The following SOHLH1 variants were observed in gnomAD, a reference collection of about 807,000 sequenced individuals.
The protein encoded by SOHLH1 is spermatogenesis- and oogenesis-specific basic helix-loop-helix-containing protein 1.
Under a neutral mutation model 36.2 loss-of-function variants are expected in SOHLH1, and 23 were observed. The ratio of observed to expected loss-of-function variants is 0.64; its 90% confidence interval spans 0.46 to 0.90. SOHLH1 has a LOEUF of 0.90. Among genes scored for constraint, SOHLH1 ranks in the 40% least tolerant of loss-of-function variants. The pLI is 0.00. For missense variants in SOHLH1, 608 were observed against 517.0 expected (o/e 1.18, Z -1.71); for synonymous variants, 289 against 228.3 (o/e 1.27, Z -2.40).
rs1478059741 is a variant in SOHLH1 at position 135,699,389 on chromosome 9, G to C, written c.65+14C>G. Reference sequence around the variant, plus strand: ...TGGGCCCCCAACCCCTTGGCCGCCAGCCCAATTCCTCACTTGCATCCCCTG... The same window carrying C: ...TGGGCCCCCAACCCCTTGGCCGCCACCCCAATTCCTCACTTGCATCCCCTG... On this transcript the variant is annotated intron_variant, in intron 1 of 7. Transcript: ENST00000425225. 2.5e-6 allele frequency: 4 copies of C among 1,609,780 alleles called. No individual in the cohort carries two copies. Among genetic ancestry groups the C allele is most frequent in the Non-Finnish European group, 3.4e-6 (4 of 1,178,726 alleles).
At chr9:135,696,379 G>C (rs993132585) in intron 5 of SOHLH1, among the ~76,000 whole-genome samples, 4 of 152,068 alleles carry the variant, frequency 2.6e-5, no homozygotes, top group African/African-American at 9.7e-5. Context: ...TCCCTTCCTC[G>C]AGCCACACTT....
At chr9:135,698,611 CCCCGTGGTCTGAAG>C in intron 2 of SOHLH1, 135 bp from the exon 3 acceptor site, 1 of 1,310,956 alleles carries the variant, frequency 7.6e-7, no homozygotes, top group Non-Finnish European at 1.1e-6. Flanking sequence ...TCAGAGCTGC[CCCCGTGGTCTGAAG>C]CCCCGAGATC....
chr9:135,699,548 CTGCCACG>C, upstream of SOHLH1: 2 of 1,446,670 alleles, frequency 1.4e-6, no homozygotes, highest in Non-Finnish European at 9.5e-7. Context: ...CTCTGCCCAC[CTGCCACG>C]TGCTTTCCAC....
chr9:135,699,648 C>G (rs1476523201), upstream of SOHLH1: 5 of 669,848 alleles, frequency 7.5e-6, no homozygotes, highest in African/African-American at 1.8e-5. Context: ...CCGGGGCCCA[C>G]GTGACCCGCG....
chr9:135,694,289 G>A, intron 7 of SOHLH1, 98 bp downstream of exon 7: 1 of 1,590,292 alleles, frequency 6.3e-7, no homozygotes, highest in Non-Finnish European at 8.5e-7. Context: ...CACAGACCCT[G>A]GGGCCCCCTG....
chr9:135,700,946 C>A (rs1474279466), upstream of SOHLH1, among the ~76,000 whole-genome samples: 5 of 152,332 alleles, frequency 3.3e-5, no homozygotes, highest in Non-Finnish European at 7.3e-5. Context: ...CTGTGACTCT[C>A]CTGCCGTTGA....
At chr9:135,695,861 G>A (rs1001558848) in intron 5 of SOHLH1, among the ~76,000 whole-genome samples, 11 of 152,292 alleles carry the variant, frequency 7.2e-5, no homozygotes, top group Admixed American at 2.0e-4. Flanking sequence ...CAAAGGCCCC[G>A]GGTGGCAGAG....
chr9:135,694,510 G>A, intron 6 of SOHLH1, 53 bp from the exon 7 acceptor site: 3 of 1,601,440 alleles, frequency 1.9e-6, no homozygotes, highest in Non-Finnish European at 2.6e-6. Context: ...AGACCTTGGA[G>A]CTCAAGGAAA....
At chr9:135,698,094 CAG>C (rs962882063) in intron 3 of SOHLH1, among the ~76,000 whole-genome samples, 8 of 152,144 alleles carry the variant, frequency 5.3e-5, no homozygotes, top group Non-Finnish European at 7.4e-5. Flanking sequence ...GAACAGGACT[CAG>C]GGGCACAGGA....
chr9:135,694,461 G>A lies in SOHLH1; in HGVS notation c.876-4C>T. On this transcript the variant is annotated splice_polypyrimidine_tract_variant and splice_region_variant and intron_variant, in intron 6 of 7. Transcript: ENST00000425225. Reference sequence around the variant, plus strand: ...CACATCAGACCCCAACGCAGACCTGGAAGCGACAAGCTCTTCCTCAGTGGC... The same window carrying A: ...CACATCAGACCCCAACGCAGACCTGAAAGCGACAAGCTCTTCCTCAGTGGC... 6.2e-7 allele frequency: 1 copy of A among 1,612,948 alleles called. No individual in the cohort carries two copies. Among genetic ancestry groups the A allele is most frequent in the Non-Finnish European group, 8.5e-7 (1 of 1,179,950 alleles).
intron 4 of SOHLH1, among the ~76,000 whole-genome samples, chr9:135,697,189 G>A (rs1484346168): frequency 2.6e-5 from 4 of 152,206 alleles, no homozygotes; most frequent in African/African-American, 9.7e-5. Flanking sequence ...TGCCCATGGG[G>A]AGGAGTATGA....
chr9:135,696,198 C>T (rs1206408043), intron 5 of SOHLH1, among the ~76,000 whole-genome samples: 2 of 151,730 alleles, frequency 1.3e-5, no homozygotes. Context: ...TCCTGCAGAC[C>T]CAGGGAGTGA....
rs565511834 is a variant in SOHLH1 at position 135,694,169 on chromosome 9, A to C, written c.946+218T>G. 4 of 1,435,614 alleles carry C rather than the reference A, an allele frequency of 2.8e-6. No individual in the cohort carries two copies. In the South Asian group the frequency reaches 6.0e-5, roughly 22 times the overall value. The allele number at this position is 1,435,614 out of a possible 1,614,324, so 88.9% of individuals were successfully genotyped here. ...CTCCAAGCACCGCCAGCTCTCATGC[A>C]GGCTCGTCCACATCACGTTCACTCA... On this transcript the variant is annotated intron_variant, in intron 7 of 7. Coordinates refer to ENST00000425225, the MANE Select transcript of SOHLH1 (RefSeq NM_001101677.2).
intron 6 of SOHLH1, 120 bp from the exon 7 acceptor site, chr9:135,694,577 C>T: frequency 7.2e-7 from 1 of 1,382,316 alleles, no homozygotes; most frequent in Middle Eastern, 1.8e-4. Flanking sequence ...AGGCACCACT[C>T]CTGACAGGCT....
rs111638525 is a variant in SOHLH1, at chr9:135,694,492, G to A, written c.876-35C>T. ...ACAAGCTCTTCCTCAGTGGCCACAA[G>A]CGGACCCAGACCTTGGAGCTCAAGG... On this transcript the variant is annotated intron_variant, in intron 6 of 7. Transcript: ENST00000425225. 8.1e-4 allele frequency: 1,300 copies of A among 1,610,016 alleles called. 5 individuals carry two copies. In the African/African-American group the frequency reaches 0.015, roughly 19 times the overall value.
At chr9:135,695,496 C>T (rs1834754961) in intron 5 of SOHLH1, among the ~76,000 whole-genome samples, 1 of 152,132 alleles carries the variant, frequency 6.6e-6, no homozygotes, top group African/African-American at 2.4e-5. Context: ...GGGCCAAGGG[C>T]TTCCTAGAGG....
chr9:135,702,102 C>T (rs1314473248), upstream of SOHLH1: 13 of 592,106 alleles, frequency 2.2e-5, no homozygotes, highest in African/African-American at 2.6e-4. Context: ...CGGCAGGGGG[C>T]GCGCGCGGAC....
At chr9:135,697,337 T>C (rs536017318) in intron 4 of SOHLH1, among the ~76,000 whole-genome samples, 169 bp downstream of exon 4, 3 of 152,210 alleles carry the variant, frequency 2.0e-5, no homozygotes, top group Admixed American at 2.0e-4. Flanking sequence ...CCCATGTTGG[T>C]CACCTCACAC....
At chr9:135,696,347 T>C (rs1253978357) in intron 5 of SOHLH1, among the ~76,000 whole-genome samples, 2 of 152,218 alleles carry the variant, frequency 1.3e-5, no homozygotes, top group East Asian at 3.9e-4. Flanking sequence ...ACAGCTCCCA[T>C]GGTGGCCTTT....
Sources: gnomAD v4.1 joint callset for allele counts (sites outside exome capture counted in the v4.1 genomes callset) on GRCh38, gnomAD v4.1.1 for gene constraint, MANE v1.5 for transcripts, NCBI Gene and HGNC (gene_info 2026-07-23, HGNC 2026-07-21) for gene names.